AP1M1: variants seen among roughly 807,000 people sequenced by gnomAD.
The protein encoded by AP1M1 is AP-1 complex subunit mu-1.
AP1M1 carries 18 observed loss-of-function variants against 57.1 expected under a neutral mutation model. The observed-to-expected ratio is 0.32, with a 90% CI of 0.22 to 0.47. The LOEUF (loss-of-function observed/expected upper bound fraction) is 0.47, where lower values mean the gene tolerates loss of function less well. Among genes scored for constraint, AP1M1 ranks in the 20% least tolerant of loss-of-function variants. The pLI, the probability that AP1M1 is intolerant of heterozygous loss-of-function variation, is 1.00. For synonymous variants in AP1M1, 241 were observed against 237.9 expected (o/e 1.01, Z -0.12); for missense variants, 362 against 593.5 (o/e 0.61, Z 4.05).
intron 1 of AP1M1, among the ~76,000 whole-genome samples, chr19:16,200,305 G>A (rs559074549): frequency 6.6e-5 from 10 of 152,298 alleles, no homozygotes; most frequent in Non-Finnish European, 1.5e-4. Flanking sequence ...GCTGGAAGTA[G>A]GTTTGGAAGG....
chr19:16,231,725 A>G (rs2091599444), intron 9 of AP1M1, among the ~76,000 whole-genome samples: 1 of 152,222 alleles, frequency 6.6e-6, no homozygotes, highest in Non-Finnish European at 1.5e-5. Context: ...CCTATTGTGA[A>G]TAATGCTGCT....
chr19:16,200,383 C>T (rs1381187028), intron 1 of AP1M1, among the ~76,000 whole-genome samples: 3 of 152,168 alleles, frequency 2.0e-5, no homozygotes, highest in Non-Finnish European at 4.4e-5. Context: ...GAAGTCCTGG[C>T]TAATGCTGAG....
In AP1M1 at chr19:16,227,710, GC is replaced by G. The variant is rs1182160133; in HGVS notation, c.816+21del. 5.6e-6 allele frequency: 9 copies of G among 1,609,672 alleles called. No individual in the cohort carries two copies. In the East Asian group the frequency reaches 1.8e-4, roughly 32 times the overall value. ...ACCCACGTGAGTGCGCCACCCTGGGGCTGGGCTGTCGGCAGACTCCTCCTCC... is the reference window on the plus strand; with the variant it reads ...ACCCACGTGAGTGCGCCACCCTGGGGTGGGCTGTCGGCAGACTCCTCCTCC... On this transcript the variant is annotated intron_variant, in intron 7 of 11. Transcript: ENST00000291439. This position sits in a 1 kb window ranked among gnomAD's most constrained non-coding sequence, Gnocchi z 6.2.
chr19:16,234,512 G>A lies in AP1M1; in HGVS notation c.*77G>A. On this transcript the variant is annotated 3_prime_UTR_variant, in exon 12 of 12. Coordinates refer to ENST00000291439, the MANE Select transcript of AP1M1 (RefSeq NM_032493.4). Reference sequence around the variant, plus strand: ...GGGGACACACCTGCCAAACCCACCAGATGGAGGGGCCCTCCCTGGTCTCTG... The same window carrying A: ...GGGGACACACCTGCCAAACCCACCAAATGGAGGGGCCCTCCCTGGTCTCTG... 1.3e-6 allele frequency: 2 copies of A among 1,584,646 alleles called. No homozygotes were observed. Among genetic ancestry groups the A allele is most frequent in the South Asian group, 2.2e-5 (2 of 89,072 alleles).
In AP1M1 at chr19:16,239,791, A is replaced by C. The variant is rs1375266528; in HGVS notation, c.*5356A>C. The C allele has an allele frequency of 6.6e-6, 1 of 152,156 alleles. No homozygotes were observed. Among genetic ancestry groups the C allele is most frequent in the Non-Finnish European group, 1.5e-5 (1 of 68,038 alleles). 9.4% of individuals were successfully genotyped at this position (152,156 alleles called of 1,614,324 possible). On this transcript the variant is annotated 3_prime_UTR_variant, in exon 12 of 12. Coordinates refer to ENST00000291439, the MANE Select transcript of AP1M1 (RefSeq NM_032493.4). ...CACAGTGAGACACTGTCTCAAAAAAAAAAATTAACAACTTGGTTGGAGGGT... is the reference window on the plus strand; with the variant it reads ...CACAGTGAGACACTGTCTCAAAAAACAAAATTAACAACTTGGTTGGAGGGT...
At chr19:16,223,502 A>T (rs1469059390) in intron 5 of AP1M1, among the ~76,000 whole-genome samples, 1 of 152,200 alleles carries the variant, frequency 6.6e-6, no homozygotes, top group East Asian at 1.9e-4. Context: ...GAGAGAGGAC[A>T]GAGAGAGAAA....
chr19:16,200,388 G>A (rs1382095507), intron 1 of AP1M1, among the ~76,000 whole-genome samples: 1 of 152,194 alleles, frequency 6.6e-6, no homozygotes, highest in Non-Finnish European at 1.5e-5. Flanking sequence ...CCTGGCTAAT[G>A]CTGAGATGGG....
rs1214309452 is a variant in AP1M1, at chr19:16,201,205, C to A, written c.43-2254C>A. On this transcript the variant is annotated intron_variant, in intron 1 of 11. Transcript: ENST00000291439. ...TACTGAGCACCTACTATGGTCCAGGCCCCTTTCTGGGTGCTGGAAAACAGC... is the reference window on the plus strand; with the variant it reads ...TACTGAGCACCTACTATGGTCCAGGACCCTTTCTGGGTGCTGGAAAACAGC... 2.0e-5 allele frequency among the ~76,000 whole-genome samples: 3 copies of A among 152,016 alleles called. No homozygotes were observed. In the South Asian group the frequency reaches 6.2e-4, roughly 31 times the overall value.
chr19:16,228,651 G>C lies in AP1M1; in HGVS notation c.889-119G>C. The C allele has an allele frequency of 9.0e-7, 1 of 1,116,214 alleles. No homozygotes were observed. Among genetic ancestry groups the C allele is most frequent in the Non-Finnish European group, 1.3e-6 (1 of 778,178 alleles). 69.1% of individuals were successfully genotyped at this position (1,116,214 alleles called of 1,614,324 possible). On this transcript the variant is annotated intron_variant, in intron 8 of 11. Transcript: ENST00000291439. The surrounding 1 kb of genome is among the most constrained non-coding windows in gnomAD (Gnocchi z 5.0). ...GGGGTGGGTAGTGCCTGGAGAAGTG[G>C]GGCCAGGGGCGGGGCTAGGGAGGAT... is the stretch of plus-strand genomic sequence containing the variant.
chr19:16,226,786 AC>A, intron 6 of AP1M1: 1 of 477,142 alleles, frequency 2.1e-6, no homozygotes, highest in South Asian at 3.3e-5. Context: ...CCGGCCTCAC[AC>A]GCCAGGTCCT....
chr19:16,211,045 TG>T (rs1394899699), intron 5 of AP1M1, among the ~76,000 whole-genome samples: 3 of 152,088 alleles, frequency 2.0e-5, no homozygotes, highest in Non-Finnish European at 4.4e-5. Flanking sequence ...GTCAGATAGG[TG>T]ATTTGCAAGT....
intron 1 of AP1M1, among the ~76,000 whole-genome samples, chr19:16,199,143 TA>T (rs2091437230): frequency 6.6e-6 from 1 of 152,010 alleles, no homozygotes; most frequent in South Asian, 2.1e-4. Flanking sequence ...CACAGGCTGG[TA>T]GGGGAGATGG....
At position 16,245,341 on chromosome 19, in the gene AP1M1, GC is replaced by G. The variant is rs759191793; in HGVS notation, c.*10907del. ...CTGTCGCCCAGGCTGGAGTGCAGTG[GC>G]GTGATCTCAGCTCACTGCAACCTCC... On this transcript the variant is annotated 3_prime_UTR_variant, in exon 12 of 12. Coordinates refer to ENST00000291439, the MANE Select transcript of AP1M1 (RefSeq NM_032493.4). 2.6e-5 allele frequency: 4 copies of G among 151,946 alleles called. No individual in the cohort carries two copies. Among genetic ancestry groups the G allele is most frequent in the African/African-American group, 4.8e-5 (2 of 41,312 alleles). 9.4% of individuals were successfully genotyped at this position (151,946 alleles called of 1,614,324 possible).
chr19:16,209,006 C>T, intron 4 of AP1M1, 24 bp from the exon 5 acceptor site: 1 of 1,606,704 alleles, frequency 6.2e-7, no homozygotes, highest in Non-Finnish European at 8.5e-7. Context: ...CCACCTCCTT[C>T]ACTCTGAGCG....
At chr19:16,208,197 G>C in intron 4 of AP1M1, 48 bp downstream of exon 4, 1 of 1,555,658 alleles carries the variant, frequency 6.4e-7, no homozygotes, top group Non-Finnish European at 8.7e-7. Flanking sequence ...GCGGTGTCAT[G>C]ACATCGACGT....
chr19:16,228,792 G>A lies in AP1M1; in HGVS notation c.911G>A (p.Arg304Gln). The change falls in exon 9 of 12, where the codon CGG becomes CAG. Residue 304 changes from arginine to glutamine, a missense_variant. This residue lies in a region of AP1M1 where 337 missense variants were observed against 511.1 expected (regional missense o/e 0.66). Coordinates refer to ENST00000291439, the MANE Select transcript of AP1M1 (RefSeq NM_032493.4). The surrounding 1 kb of genome is among the most constrained non-coding windows in gnomAD (Gnocchi z 5.0). ...MIKAKSQFKR[R>Q]STANNVEIHI... ...CAGGCCAAAAGCCAGTTCAAGCGGCGGTCAACAGCCAACAACGTGGAGATC... is the reference window on the plus strand; with the variant it reads ...CAGGCCAAAAGCCAGTTCAAGCGGCAGTCAACAGCCAACAACGTGGAGATC... 3.1e-6 allele frequency: 5 copies of A among 1,613,968 alleles called. No homozygotes were observed. The highest frequency in any genetic ancestry group is 1.1e-5 in the South Asian group (1 of 91,072).
chr19:16,205,843 A>C (rs2091467277), intron 2 of AP1M1, among the ~76,000 whole-genome samples: 2 of 152,162 alleles, frequency 1.3e-5, no homozygotes, highest in African/African-American at 4.8e-5. Context: ...TTTCTCTAGA[A>C]AGGTTTATTT....
At chr19:16,231,756 C>G (rs1459589332) in intron 9 of AP1M1, among the ~76,000 whole-genome samples, 1 of 152,208 alleles carries the variant, frequency 6.6e-6, no homozygotes, top group Non-Finnish European at 1.5e-5. Flanking sequence ...GCACAAATAC[C>G]TCTTCAAGAT....
In AP1M1 at chr19:16,233,635, C is replaced by T. The variant is rs147435504; in HGVS notation, c.1173+17C>T. ...GGCATCCAGGTACGTAAGGCCCAGG[C>T]GGCCGGGGCCCAGAACAGGGACAGA... On this transcript the variant is annotated intron_variant, in intron 10 of 11. Transcript: ENST00000291439. 3.1e-4 allele frequency: 501 copies of T among 1,604,644 alleles called. No homozygotes were observed. The African/African-American group carries it at 6.0e-3, about 19-fold the overall frequency.
Sources: gnomAD v4.1 joint callset for allele counts (sites outside exome capture counted in the v4.1 genomes callset) on GRCh38, gnomAD v4.1.1 for gene constraint, gnomAD v4.1.1 regional missense constraint, Gnocchi (gnomAD v3.1) non-coding constraint, MANE v1.5 for transcripts, NCBI Gene and HGNC (gene_info 2026-07-23, HGNC 2026-07-21) for gene names.